The following KLHL29 variants were observed in gnomAD, a reference collection of about 807,000 sequenced individuals.
KLHL29 encodes kelch-like protein 29.
A neutral mutation model predicts 80.4 loss-of-function variants in KLHL29; 21 were observed. The observed-to-expected ratio is 0.26, with a 90% CI of 0.19 to 0.38. The LOEUF is 0.38. Among genes scored for constraint, KLHL29 ranks in the 10% least tolerant of loss-of-function variants. The pLI is 1.00. For synonymous variants in KLHL29, 511 were observed against 526.8 expected, an observed-to-expected ratio of 0.97 and a Z score of 0.41; for missense variants, 867 against 1,223.9, an observed-to-expected ratio of 0.71 and a Z score of 4.35.
intron 5 of KLHL29, among the ~76,000 whole-genome samples, chr2:23,650,058 G>A (rs189448641): frequency 3.5e-4 from 54 of 152,342 alleles, no homozygotes; most frequent in African/African-American, 1.2e-3. Flanking sequence ...AAAGAAACAG[G>A]CAGGGTGCCA....
chr2:23,433,060 G>A (rs966017753), intron 1 of KLHL29, among the ~76,000 whole-genome samples: 1 of 152,124 alleles, frequency 6.6e-6, no homozygotes, highest in African/African-American at 2.4e-5. Context: ...TGTGCCCTCC[G>A]TTGTCTTGAT....
At chr2:23,636,823 A>T (rs1669623597) in intron 3 of KLHL29, among the ~76,000 whole-genome samples, 1 of 152,054 alleles carries the variant, frequency 6.6e-6, no homozygotes, top group South Asian at 2.1e-4. Flanking sequence ...GACCGTTGGA[A>T]CTCCTGAAGT....
At chr2:23,532,755 C>T (rs1666536171) in intron 2 of KLHL29, 2 of 426,104 alleles carry the variant, frequency 4.7e-6, no homozygotes, top group Admixed American at 5.1e-5. Flanking sequence ...ACACCCTCTG[C>T]ACGGGGAGAA....
chr2:23,611,368 G>T (rs1237111305), intron 3 of KLHL29, among the ~76,000 whole-genome samples: 1 of 152,164 alleles, frequency 6.6e-6, no homozygotes. Flanking sequence ...AAGGGGGCCA[G>T]TGGGTTCCAG....
intron 2 of KLHL29, among the ~76,000 whole-genome samples, chr2:23,549,049 T>A (rs1038912564): frequency 1.3e-5 from 2 of 152,146 alleles, no homozygotes; most frequent in Non-Finnish European, 2.9e-5. Context: ...TTCAGAGACC[T>A]GGGAGTTAGG....
intron 3 of KLHL29, among the ~76,000 whole-genome samples, chr2:23,598,881 G>A (rs2103521858): frequency 6.6e-6 from 1 of 152,324 alleles, no homozygotes; most frequent in South Asian, 2.1e-4. Context: ...AGTCATAGGG[G>A]TGGCCCTCTT....
intron 3 of KLHL29, among the ~76,000 whole-genome samples, chr2:23,628,229 G>A (rs1215753935): frequency 1.3e-5 from 2 of 152,162 alleles, no homozygotes; most frequent in African/African-American, 2.4e-5. Flanking sequence ...GAATCTTAAT[G>A]AGCATGTTAA....
At chr2:23,542,100 C>A (rs1175888532) in intron 2 of KLHL29, among the ~76,000 whole-genome samples, 1 of 152,206 alleles carries the variant, frequency 6.6e-6, no homozygotes, top group Non-Finnish European at 1.5e-5. Flanking sequence ...AGTCAGGCAA[C>A]CAGGGTGGTG....
intron 2 of KLHL29, among the ~76,000 whole-genome samples, chr2:23,548,444 G>C (rs771613453): frequency 6.6e-6 from 1 of 152,090 alleles, no homozygotes; most frequent in Non-Finnish European, 1.5e-5. Flanking sequence ...TTCTCTTTCT[G>C]GGCACATGAT....
intron 3 of KLHL29, among the ~76,000 whole-genome samples, chr2:23,621,490 G>A (rs1669180649): frequency 6.6e-6 from 1 of 150,504 alleles, no homozygotes; most frequent in South Asian, 2.2e-4. Flanking sequence ...GTGAGGAGAG[G>A]TAAGGGAGGA....
chr2:23,567,276 C>T (rs557974652), intron 3 of KLHL29, among the ~76,000 whole-genome samples: 2 of 152,330 alleles, frequency 1.3e-5, no homozygotes, highest in Admixed American at 6.5e-5. Flanking sequence ...GCAGAATCCT[C>T]GCTGATGTCT....
intron 3 of KLHL29, among the ~76,000 whole-genome samples, chr2:23,595,283 T>C: frequency 6.6e-6 from 1 of 152,188 alleles, no homozygotes; most frequent in East Asian, 1.9e-4. Context: ...CCATGTATTA[T>C]AATCCTATCC....
At chr2:23,516,271 G>T (rs1203808430) in intron 2 of KLHL29, among the ~76,000 whole-genome samples, 3 of 152,194 alleles carry the variant, frequency 2.0e-5, no homozygotes, top group Non-Finnish European at 4.4e-5. Flanking sequence ...GGACTGGGAA[G>T]GGCTGACCAG....
At chr2:23,592,111 C>G (rs1318220716) in intron 3 of KLHL29, among the ~76,000 whole-genome samples, 1 of 152,258 alleles carries the variant, frequency 6.6e-6, no homozygotes, top group Admixed American at 6.5e-5. Flanking sequence ...CACCCACTCA[C>G]TGCTGTGGAA....
rs940086152 is a variant in KLHL29, at chr2:23,457,027, C to T, written c.-153-18533C>T. ...GTGGCGGCATCTCAGGTGTCAGGGC[C>T]GGAGCAGCAGAGGTCGAGGCCTTCC... is the stretch of plus-strand genomic sequence containing the variant. On this transcript the variant is annotated intron_variant, in intron 1 of 13. Coordinates refer to ENST00000486442, the MANE Select transcript of KLHL29 (RefSeq NM_052920.2). The surrounding 1 kb of genome is among the most constrained non-coding windows in gnomAD (Gnocchi z 4.3). Among the ~76,000 whole-genome samples the T allele has an allele frequency of 3.9e-5, 6 of 152,202 alleles. No homozygotes were observed. The highest frequency in any genetic ancestry group is 2.1e-4 in the South Asian group (1 of 4,826).
At chr2:23,642,883 C>T in intron 5 of KLHL29, 33 bp downstream of exon 5, 2 of 1,549,954 alleles carry the variant, frequency 1.3e-6, no homozygotes, top group Non-Finnish European at 1.7e-6. Context: ...TCCCCACGGG[C>T]CTGCGTCTGC....
At chr2:23,659,751 C>G (rs1023566317) in intron 5 of KLHL29, among the ~76,000 whole-genome samples, 1 of 152,130 alleles carries the variant, frequency 6.6e-6, no homozygotes, top group African/African-American at 2.4e-5. Flanking sequence ...ACCAGGCTTC[C>G]TCCCCAGGGC....
rs890968497 is a variant in KLHL29, at chr2:23,696,127, C to G, written c.1918C>G (p.Leu640Val). The part of the protein sequence containing the change: ...SVVSAGDNIY[L>V]SGGMESGVTL... Reference sequence around the variant, plus strand: ...AGTGAGTGCAGGGGACAACATCTACCTCTCAGGTGAGGCCCCCCGGGGTTG... The same window carrying G: ...AGTGAGTGCAGGGGACAACATCTACGTCTCAGGTGAGGCCCCCCGGGGTTG... The change falls in exon 10 of 14, where the codon CTC becomes GTC. Residue 640 changes from leucine (L) to valine (V), a missense_variant. Leu to Val is a conservative substitution (Grantham distance 32). Transcript: ENST00000486442. This position sits in a 1 kb window ranked among gnomAD's most constrained non-coding sequence, Gnocchi z 5.5. 10 of 1,551,172 alleles carry G rather than the reference C, an allele frequency of 6.4e-6. No individual in the cohort carries two copies. Among genetic ancestry groups the G allele is most frequent in the Non-Finnish European group, 8.7e-6 (10 of 1,146,702 alleles).
At chr2:23,567,208 G>A (rs956619225) in intron 3 of KLHL29, among the ~76,000 whole-genome samples, 2 of 152,238 alleles carry the variant, frequency 1.3e-5, no homozygotes, top group Non-Finnish European at 2.9e-5. Flanking sequence ...CTTGACAGAT[G>A]AAACAGAAAA....
Sources: gnomAD v4.1 joint callset for allele counts (sites outside exome capture counted in the v4.1 genomes callset) on GRCh38, gnomAD v4.1.1 for gene constraint, Gnocchi (gnomAD v3.1) non-coding constraint, MANE v1.5 for transcripts, NCBI Gene and HGNC (gene_info 2026-07-23, HGNC 2026-07-21) for gene names.